Variants in NINJ2 observed in about 807,000 individuals in gnomAD.
The protein encoded by NINJ2 is ninjurin 2.
A neutral mutation model predicts 11.7 loss-of-function variants in NINJ2; 12 were observed. That is an observed-to-expected ratio of 1.02 (90% confidence interval 0.66 to 1.66). The LOEUF is 1.66. Among genes scored for constraint, NINJ2 ranks in the 40% most tolerant of loss-of-function variants. The pLI is 0.00. For missense variants in NINJ2, 187 were observed against 181.8 expected (o/e 1.03, Z -0.16); for synonymous variants, 93 against 76.8 (o/e 1.21, Z -1.10).
At chr12:654,611 A>T (rs1056390467) in intron 1 of NINJ2, among the ~76,000 whole-genome samples, 3 of 149,906 alleles carry the variant, frequency 2.0e-5, no homozygotes, top group African/African-American at 7.4e-5. Flanking sequence ...AAATCAATTA[A>T]TGCTAGGTGC....
At chr12:608,636 G>A (rs1376231283) in intron 1 of NINJ2, among the ~76,000 whole-genome samples, 1 of 152,220 alleles carries the variant, frequency 6.6e-6, no homozygotes, top group Non-Finnish European at 1.5e-5. Flanking sequence ...ACAGCCTGGT[G>A]GGCAAGGGTC....
chr12:646,766 T>C (rs1403671078), intron 1 of NINJ2, among the ~76,000 whole-genome samples: 2 of 152,160 alleles, frequency 1.3e-5, no homozygotes, highest in Admixed American at 1.3e-4. Context: ...AATTGGTCTC[T>C]GGACTCCACA....
rs369430161 is a variant in NINJ2 at position 586,678 on chromosome 12, G to C, written c.34-20500C>G. Among the ~76,000 whole-genome samples, 9 of 152,168 alleles carry C rather than the reference G, an allele frequency of 5.9e-5. No homozygotes were observed. The East Asian group carries it at 1.7e-3, about 29-fold the overall frequency. On this transcript the variant is annotated intron_variant, in intron 1 of 3. Transcript: ENST00000305108. ...TTACAAATCAGGACACAGAACCATC[G>C]GGGCAAGGGACCTCTCCAAGGCAAC...
chr12:578,428 C>T (rs911641559), intron 1 of NINJ2, among the ~76,000 whole-genome samples: 3 of 152,198 alleles, frequency 2.0e-5, no homozygotes, highest in Non-Finnish European at 4.4e-5. Flanking sequence ...AAGGGATCCT[C>T]TTGCCATAGC....
chr12:631,038 C>T (rs1336073636), intron 1 of NINJ2: 2 of 152,208 alleles, frequency 1.3e-5, no homozygotes, highest in South Asian at 2.1e-4. Flanking sequence ...TCAGTTAAAC[C>T]GCAGAAAGGT....
chr12:601,589 T>C (rs763594033), intron 1 of NINJ2, among the ~76,000 whole-genome samples: 5 of 139,684 alleles, frequency 3.6e-5, no homozygotes, highest in African/African-American at 1.4e-4. Context: ...AATAGCCAGG[T>C]GCGGTGGCTC....
chr12:649,032 A>ATCTATCTATCTATCTATCTATCTC (rs1191391738), intron 1 of NINJ2, among the ~76,000 whole-genome samples: 7 of 149,218 alleles, frequency 4.7e-5, no homozygotes, highest in African/African-American at 1.8e-4. Flanking sequence ...CTATCTATCT[A>ATCTATCTATCTATCTATCTATCTC]TCTCAAGTGA....
intron 1 of NINJ2, among the ~76,000 whole-genome samples, chr12:611,271 TTC>T (rs925635698): frequency 1.4e-4 from 19 of 132,952 alleles, no homozygotes; most frequent in Non-Finnish European, 2.9e-4. Flanking sequence ...CTTTCTTTCT[TTC>T]TCTCTCTCTT....
intron 1 of NINJ2, among the ~76,000 whole-genome samples, chr12:587,517 A>G (rs575532507): frequency 1.4e-4 from 22 of 152,358 alleles, no homozygotes; most frequent in Admixed American, 3.3e-4. Context: ...CAGAGGACTG[A>G]AGTCCCTTTC....
Position 654,951 on chromosome 12 carries a change from C to T in NINJ2, c.33+8377G>A, listed in dbSNP as rs1937853788. Among the ~76,000 whole-genome samples, 6 of 150,426 alleles carry T rather than the reference C, an allele frequency of 4.0e-5. No individual in the cohort carries two copies. In the South Asian group the frequency reaches 1.3e-3, roughly 32 times the overall value. ...GAAAATCAATTAATGTAATTAATCA[C>T]ACCAACTGACTAAAAAAGAAAAATC... is the stretch of plus-strand genomic sequence containing the variant. On this transcript the variant is annotated intron_variant, in intron 1 of 3. Coordinates refer to ENST00000305108, the MANE Select transcript of NINJ2 (RefSeq NM_016533.6).
At chr12:658,880 C>T (rs1197703607) in intron 1 of NINJ2, among the ~76,000 whole-genome samples, 1 of 151,746 alleles carries the variant, frequency 6.6e-6, no homozygotes, top group Non-Finnish European at 1.5e-5. Context: ...TGTAAAAAAA[C>T]AATGTACCAT....
chr12:597,578 A>G (rs1006704601), intron 1 of NINJ2, among the ~76,000 whole-genome samples: 5 of 152,274 alleles, frequency 3.3e-5, no homozygotes, highest in Admixed American at 3.3e-4. Flanking sequence ...TTCATGTTAC[A>G]TAAAACCAAG....
intron 1 of NINJ2, among the ~76,000 whole-genome samples, chr12:579,427 T>C (rs1947514688): frequency 6.6e-6 from 1 of 152,148 alleles, no homozygotes; most frequent in African/African-American, 2.4e-5. Flanking sequence ...ACTAGACTCT[T>C]GAGACCCCCA....
At chr12:658,448 G>A (rs1406853346) in intron 1 of NINJ2, among the ~76,000 whole-genome samples, 1 of 152,194 alleles carries the variant, frequency 6.6e-6, no homozygotes, top group East Asian at 1.9e-4. Flanking sequence ...ATCAAGCCAT[G>A]AAAAGAGATG....
intron 1 of NINJ2, among the ~76,000 whole-genome samples, chr12:635,213 C>A (rs918143926): frequency 6.6e-5 from 10 of 152,034 alleles, no homozygotes; most frequent in Admixed American, 3.9e-4. Context: ...GCCACCACAT[C>A]CTAAATTTTG....
At chr12:566,237 G>A (rs1356968581) in intron 1 of NINJ2, 59 bp from the exon 2 acceptor site, 1 of 1,417,474 alleles carries the variant, frequency 7.1e-7, no homozygotes, top group Non-Finnish European at 9.8e-7. Flanking sequence ...GCAGTTGAGA[G>A]GTGGGAGAGA....
rs145937799 is a variant in NINJ2 at position 583,801 on chromosome 12, C to T, written c.34-17623G>A. On this transcript the variant is annotated intron_variant, in intron 1 of 3. Transcript: ENST00000305108. ...ACACTTAGAACCAGGACAGCGGAGTCGAGACCTGGCCCTGCCCCTTCATAG... is the reference window on the plus strand; with the variant it reads ...ACACTTAGAACCAGGACAGCGGAGTTGAGACCTGGCCCTGCCCCTTCATAG... 6.0e-3 allele frequency among the ~76,000 whole-genome samples: 907 copies of T among 152,286 alleles called. 4 individuals are homozygous for T. Among genetic ancestry groups the T allele is most frequent in the Non-Finnish European group, 9.1e-3 (622 of 68,010 alleles).
chr12:592,518 T>C (rs1297945753), intron 1 of NINJ2, among the ~76,000 whole-genome samples: 2 of 152,136 alleles, frequency 1.3e-5, no homozygotes, highest in Non-Finnish European at 2.9e-5. Context: ...CTGGCCAACG[T>C]GGTGAAACCC....
intron 1 of NINJ2, among the ~76,000 whole-genome samples, chr12:626,197 C>T (rs968665350): frequency 9.2e-5 from 14 of 152,366 alleles, no homozygotes; most frequent in African/African-American, 2.4e-4. Context: ...AAGCATTAAT[C>T]TGAAGTCACT....
Sources: allele counts gnomAD v4.1 joint callset (sites outside exome capture counted in the v4.1 genomes callset), GRCh38; gene constraint gnomAD v4.1.1; transcripts MANE v1.5; gene names NCBI Gene and HGNC (gene_info 2026-07-23, HGNC 2026-07-21).